Variants in ZNF728 observed in about 807,000 individuals in gnomAD.
The protein encoded by ZNF728 is zinc finger protein 728.
ZNF728 carries 12 observed loss-of-function variants against 12.5 expected under a neutral mutation model. That is an observed-to-expected ratio of 0.96 (90% CI 0.61 to 1.55). The LOEUF is 1.55. Among genes scored for constraint, ZNF728 ranks in the 40% most tolerant of loss-of-function variants. ZNF728 has a pLI of 0.00. For synonymous variants in ZNF728, 205 were observed against 240.7 expected, an observed-to-expected ratio of 0.85 and a Z score of 1.37; for missense variants, 692 against 719.2, an observed-to-expected ratio of 0.96 and a Z score of 0.43.
At chr19:22,984,550 T>A (rs1420688180) in intron 3 of ZNF728, among the ~76,000 whole-genome samples, 4 of 97,782 alleles carry the variant, frequency 4.1e-5, no homozygotes, top group Non-Finnish European at 5.4e-5. Context: ...AGAGCGAGAC[T>A]CCATCTCAAA....
At chr19:22,981,829 C>T (rs568052407) in intron 3 of ZNF728, among the ~76,000 whole-genome samples, 1 of 152,108 alleles carries the variant, frequency 6.6e-6, no homozygotes, top group South Asian at 2.1e-4. Context: ...AAATTCAATA[C>T]CCCTTCATGC....
Position 22,988,464 on chromosome 19 carries a change from C to T in ZNF728, c.4-13G>A. The T allele has an allele frequency of 1.2e-6, 2 of 1,613,142 alleles. No individual in the cohort carries two copies. Among genetic ancestry groups the T allele is most frequent in the Non-Finnish European group, 1.7e-6 (2 of 1,179,686 alleles). On this transcript the variant is annotated splice_polypyrimidine_tract_variant and intron_variant, in intron 1 of 3. Coordinates refer to ENST00000594710, the MANE Select transcript of ZNF728 (RefSeq NM_001267716.2). ...ATGTCAACGATCCCTGGAAAACACACACAAACACACATATTTACCAAGTGG... is the reference window on the plus strand; with the variant it reads ...ATGTCAACGATCCCTGGAAAACACATACAAACACACATATTTACCAAGTGG...
At chr19:22,988,925 C>T (rs1353880749) in intron 1 of ZNF728, among the ~76,000 whole-genome samples, 1 of 151,738 alleles carries the variant, frequency 6.6e-6, no homozygotes, top group African/African-American at 2.4e-5. Flanking sequence ...GTGGTGTGTG[C>T]TTGTAATTCT....
chr19:22,990,129 A>C (rs1179926882), intron 1 of ZNF728, among the ~76,000 whole-genome samples: 1 of 152,190 alleles, frequency 6.6e-6, no homozygotes, highest in Non-Finnish European at 1.5e-5. Flanking sequence ...AGAATTTTTT[A>C]AAGTAGTTAA....
At chr19:22,993,254 G>T (rs1969009950) in intron 1 of ZNF728, among the ~76,000 whole-genome samples, 1 of 152,234 alleles carries the variant, frequency 6.6e-6, no homozygotes. Flanking sequence ...TCACAATGCA[G>T]AAAATGCCTC....
intron 2 of ZNF728, 105 bp from the exon 3 acceptor site, chr19:22,987,508 T>G (rs779445063): frequency 5.4e-5 from 56 of 1,033,780 alleles, no homozygotes; most frequent in Non-Finnish European, 7.1e-5. Context: ...CTAATACATT[T>G]ATCCCAAAAT....
At position 22,976,174 on chromosome 19, in the gene ZNF728, C is replaced by A. The variant is rs548147121; in HGVS notation, c.1163G>T (p.Arg388Ile). 5.0e-6 allele frequency: 8 copies of A among 1,610,256 alleles called. No homozygotes were observed. Among genetic ancestry groups the A allele is most frequent in the East Asian group, 2.2e-5 (1 of 44,630 alleles). ...GTAAGGTTTGTCTCCAGCATGAATT[C>A]TCTTGTGTTCAGTAAGGCTTGAGGG... ...SWPSSLTEHK[R>I]IHAGDKPYKC... Residue 388 changes from arginine (R) to isoleucine (I), a missense_variant, in exon 4 of 4, where the codon AGA (arginine) becomes ATA (isoleucine). Coordinates refer to ENST00000594710, the MANE Select transcript of ZNF728 (RefSeq NM_001267716.2).
intron 3 of ZNF728, among the ~76,000 whole-genome samples, chr19:22,980,977 G>A (rs1171989372): frequency 1.3e-5 from 2 of 150,332 alleles, no homozygotes; most frequent in Non-Finnish European, 3.0e-5. Context: ...GGAGAAGCAA[G>A]AACAAATAAA....
intron 1 of ZNF728, among the ~76,000 whole-genome samples, chr19:22,998,735 G>A (rs1193992513): frequency 3.9e-5 from 6 of 152,236 alleles, no homozygotes; most frequent in African/African-American, 1.2e-4. Flanking sequence ...AAAGAGGTGG[G>A]AAAAGATGAA....
At chr19:22,980,667 T>A (rs564490797) in intron 3 of ZNF728, among the ~76,000 whole-genome samples, 1 of 151,888 alleles carries the variant, frequency 6.6e-6, no homozygotes, top group African/African-American at 2.4e-5. Context: ...AGAATGGAAA[T>A]CGTAACAGTC....
intron 3 of ZNF728, among the ~76,000 whole-genome samples, chr19:22,986,879 G>T (rs951659866): frequency 5.9e-5 from 9 of 151,940 alleles, no homozygotes; most frequent in Non-Finnish European, 1.0e-4. Context: ...GAAATGTACA[G>T]AAAAATGAAC....
intron 3 of ZNF728, among the ~76,000 whole-genome samples, chr19:22,978,429 A>C (rs1315100013): frequency 6.6e-6 from 1 of 152,260 alleles, no homozygotes. Context: ...TATGTCTTCC[A>C]TAGGAAAGAT....
chr19:22,991,778 G>A (rs1042385485), intron 1 of ZNF728, among the ~76,000 whole-genome samples: 2 of 152,144 alleles, frequency 1.3e-5, no homozygotes, highest in Admixed American at 6.5e-5. Flanking sequence ...TCCAAAAAGG[G>A]TGAATATGAA....
chr19:22,986,051 G>A (rs975811934), intron 3 of ZNF728, among the ~76,000 whole-genome samples: 3 of 152,190 alleles, frequency 2.0e-5, no homozygotes, highest in Admixed American at 2.0e-4. Context: ...GCTAACCCTA[G>A]TGCAGAGCCA....
chr19:22,984,212 T>G (rs1968890122), intron 3 of ZNF728, among the ~76,000 whole-genome samples: 1 of 151,516 alleles, frequency 6.6e-6, no homozygotes, highest in Non-Finnish European at 1.5e-5. Flanking sequence ...ATTTTATGAA[T>G]TATTTTCTAT....
In ZNF728 at chr19:22,983,164, G is replaced by GA. The variant is rs938835519; in HGVS notation, c.226+4143dup. Among the ~76,000 whole-genome samples, 323 of 142,892 alleles carry GA rather than the reference G, an allele frequency of 2.3e-3. 1 individual carries two copies. The highest frequency in any genetic ancestry group is 7.0e-3 in the African/African-American group (274 of 38,962). The allele number at this position is 142,892 out of a possible 152,430, so 93.7% of individuals were successfully genotyped here. On this transcript the variant is annotated intron_variant, in intron 3 of 3. Transcript: ENST00000594710. ...ATAAAGAACTTAAACAAATTTACAAGAAAAAAAAAACACCCCATCAAAAAG... is the reference window on the plus strand; with the variant it reads ...ATAAAGAACTTAAACAAATTTACAAGAAAAAAAAAAACACCCCATCAAAAAG...
intron 3 of ZNF728, among the ~76,000 whole-genome samples, chr19:22,977,440 TTC>T (rs562531772): frequency 3.9e-4 from 59 of 152,236 alleles, no homozygotes; most frequent in African/African-American, 1.4e-3. Flanking sequence ...AATTGTCAAC[TTC>T]TGTTTTTTTT....
At position 22,977,102 on chromosome 19, in the gene ZNF728, A is replaced by G; in HGVS notation, c.235T>C (p.Ser79Pro). 1 of 1,559,548 alleles carries G rather than the reference A, an allele frequency of 6.4e-7. No individual in the cohort carries two copies. Among genetic ancestry groups the G allele is most frequent in the Non-Finnish European group, 8.6e-7 (1 of 1,158,838 alleles). The change falls in exon 4 of 4, where the codon TCT becomes CCT. Residue 79 changes from serine to proline, a missense_variant. Coordinates refer to ENST00000594710, the MANE Select transcript of ZNF728 (RefSeq NM_001267716.2). ...GGCCAAAGGTCTTGAGCAAAATGAG[A>G]ACATATAACTGAAAAGAAATAAAAA... ...ELVKEPPVIC[S>P]HFAQDLWPEQ... is the part of the protein sequence containing the mutation.
rs754248213 is a variant in ZNF728 at position 22,977,021 on chromosome 19, A to AT, written c.315dup (p.Cys106MetfsTer4). ...TTTAACTGTAAATTCTCATGTCCAC[A>AT]TTTTTCATATCTTCTCAATATCACT... On this transcript the variant is annotated frameshift_variant, in exon 4 of 4. Transcript: ENST00000594710. LOFTEE classifies it low-confidence loss of function (END_TRUNC). 2 of 1,613,350 alleles carry AT rather than the reference A, an allele frequency of 1.2e-6. No homozygotes were observed. Among genetic ancestry groups the AT allele is most frequent in the Non-Finnish European group, 1.7e-6 (2 of 1,179,736 alleles).
Sources: gnomAD v4.1 joint callset for allele counts (sites outside exome capture counted in the v4.1 genomes callset) on GRCh38, gnomAD v4.1.1 for gene constraint, MANE v1.5 for transcripts, NCBI Gene and HGNC (gene_info 2026-07-23, HGNC 2026-07-21) for gene names.